Variants in GSE1 observed in about 807,000 individuals in gnomAD.
GSE1 encodes Gse1 coiled-coil protein.
A neutral mutation model predicts 112.6 loss-of-function variants in GSE1; 32 were observed. The ratio of observed to expected loss-of-function variants is 0.28; its 90% CI spans 0.21 to 0.38. The LOEUF (loss-of-function observed/expected upper bound fraction) is 0.38. GSE1 is among the 10% of genes least tolerant of loss of function. The pLI, the probability that GSE1 is intolerant of heterozygous loss-of-function variation, is 1.00. For missense variants in GSE1, 2,348 were observed against 1,699.2 expected (o/e 1.38, Z -6.71); for synonymous variants, 1,115 against 735.6 (o/e 1.52, Z -8.35).
intron 1 of GSE1, among the ~76,000 whole-genome samples, chr16:85,628,521 C>T (rs557245905): frequency 2.0e-5 from 3 of 152,212 alleles, no homozygotes; most frequent in South Asian, 2.1e-4. Flanking sequence ...TTGGAGGGAG[C>T]AGGCAGAGGG....
chr16:85,171,233 C>T, exon 1 of GSE1: 1 of 985,728 alleles, frequency 1.0e-6, no homozygotes, highest in Non-Finnish European at 1.2e-6. Flanking sequence ...TACCACCAGG[C>T]CTTCTCCGCC....
intron 2 of GSE1, among the ~76,000 whole-genome samples, chr16:85,464,416 C>T (rs966477526): frequency 6.6e-6 from 1 of 152,210 alleles, no homozygotes; most frequent in Non-Finnish European, 1.5e-5. Context: ...AAACTCTCTT[C>T]TTATTTGGGT....
intron 13 of GSE1, 32 bp downstream of exon 13, chr16:85,666,379 C>G (rs373430226): frequency 1.3e-5 from 21 of 1,611,552 alleles, no homozygotes; most frequent in Middle Eastern, 3.8e-4. Context: ...GCTCAGCTCT[C>G]GGCTGTGGTT....
chr16:85,510,407 C>CATGTGTGTGTGTCTGT (rs1555524667), intron 2 of GSE1, among the ~76,000 whole-genome samples: 5 of 149,302 alleles, frequency 3.3e-5, no homozygotes, highest in African/African-American at 1.2e-4. Flanking sequence ...CCCGAGCGTG[C>CATGTGTGTGTGTCTGT]GTGTGTGTGT....
intron 1 of GSE1, chr16:85,593,222 G>A (rs903046290): frequency 3.3e-5 from 5 of 152,216 alleles, no homozygotes; most frequent in African/African-American, 9.7e-5. Flanking sequence ...ACCAAACCTG[G>A]TCCCACGGGC....
chr16:85,669,756 G>A (rs1009122358), intron 14 of GSE1, among the ~76,000 whole-genome samples: 2 of 152,178 alleles, frequency 1.3e-5, no homozygotes, highest in East Asian at 3.9e-4. Context: ...GTTCTGCGTA[G>A]GATTCATGTG....
At position 85,251,066 on chromosome 16, in the gene GSE1, A is replaced by T. The variant is rs367949375; in HGVS notation, c.2283+79259A>T. On this transcript the variant is annotated intron_variant, in intron 1 of 2. Coordinates refer to the GSE1 transcript ENST00000637419. ...CGTCTCGTTATCTGTTCATCCGTGG[A>T]TGGATGTTTGGGCTGCTCCCACTCT... Among the ~76,000 whole-genome samples, 29 of 152,214 alleles carry T rather than the reference A, an allele frequency of 1.9e-4. No individual in the cohort carries two copies. In the South Asian group the frequency reaches 5.6e-3, roughly 29 times the overall value.
At chr16:85,605,275 C>G (rs1268319548) in intron 1 of GSE1, among the ~76,000 whole-genome samples, 1 of 151,852 alleles carries the variant, frequency 6.6e-6, no homozygotes, top group Admixed American at 6.6e-5. Flanking sequence ...GTGTGACATT[C>G]CAAGGCCTCT....
At chr16:85,374,525 C>CGT (rs995782310) in intron 2 of GSE1, among the ~76,000 whole-genome samples, 50 of 142,474 alleles carry the variant, frequency 3.5e-4, no homozygotes, top group African/African-American at 9.8e-4. Flanking sequence ...TCAGTGTGTG[C>CGT]GTGTGTGTGT....
intron 1 of GSE1, among the ~76,000 whole-genome samples, chr16:85,288,524 G>A (rs1040112188): frequency 6.6e-5 from 10 of 152,354 alleles, no homozygotes; most frequent in South Asian, 2.1e-4. Flanking sequence ...TTGAGAGCCC[G>A]CTGTGTGTGG....
At chr16:85,318,391 G>T (rs190826979) in intron 1 of GSE1, among the ~76,000 whole-genome samples, 4 of 152,256 alleles carry the variant, frequency 2.6e-5, no homozygotes, top group Admixed American at 2.6e-4. Flanking sequence ...CGCCTCCCAA[G>T]TAGCTGGGAC....
intron 2 of GSE1, among the ~76,000 whole-genome samples, chr16:85,638,519 C>G (rs1017139726): frequency 6.6e-6 from 1 of 152,222 alleles, no homozygotes; most frequent in Non-Finnish European, 1.5e-5. Context: ...CTTTGCCTCT[C>G]TGAGCTTCCA....
At chr16:85,284,241 G>A (rs1248788882) in intron 1 of GSE1, among the ~76,000 whole-genome samples, 3 of 152,256 alleles carry the variant, frequency 2.0e-5, no homozygotes, top group South Asian at 2.1e-4. Context: ...GACTCTTGGC[G>A]TGTAATCACA....
chr16:85,515,887 G>A (rs1245645459), intron 2 of GSE1, among the ~76,000 whole-genome samples: 3 of 152,158 alleles, frequency 2.0e-5, no homozygotes, highest in Non-Finnish European at 2.9e-5. Context: ...TTTCCCCACC[G>A]GCTCTGGCCA....
intron 1 of GSE1, among the ~76,000 whole-genome samples, chr16:85,264,875 G>A (rs1908076331): frequency 6.6e-6 from 1 of 152,276 alleles, no homozygotes; most frequent in African/African-American, 2.4e-5. Flanking sequence ...CAGACGCCCT[G>A]GGTCCTTACA....
chr16:85,323,029 T>G (rs765896189), intron 1 of GSE1, among the ~76,000 whole-genome samples: 3 of 151,962 alleles, frequency 2.0e-5, no homozygotes, highest in Non-Finnish European at 4.4e-5. Flanking sequence ...GCTCATGCTT[T>G]TTCCTACTTT....
In GSE1 at chr16:85,661,742, G is replaced by T; in HGVS notation, c.2237G>T (p.Arg746Met). ...LVSKLDLEER[R>M]RREAQEKGYY... ...AGCAAGCTGGACCTGGAGGAGCGCA[G>T]GCGGCGGGAGGCCCAGGAGAAAGGT... Residue 746 changes from arginine (R) to methionine (M), a missense_variant, in exon 9 of 16, where the codon AGG (arginine) becomes ATG (methionine). Arg to Met is a moderately conservative substitution (Grantham distance 91). Transcript: ENST00000253458. 6.5e-7 allele frequency: 1 copy of T among 1,544,362 alleles called. No individual in the cohort carries two copies. Among genetic ancestry groups the T allele is most frequent in the South Asian group, 1.2e-5 (1 of 83,562 alleles).
chr16:85,410,369 G>A (rs1238277443), intron 2 of GSE1, among the ~76,000 whole-genome samples: 2 of 38,626 alleles, frequency 5.2e-5, no homozygotes, highest in Admixed American at 2.3e-4. Context: ...AGGGCCCCCC[G>A]GATAATCCTC....
At chr16:85,655,692 A>G (rs769427829) in intron 5 of GSE1, 34 bp from the exon 6 acceptor site, 7 of 1,486,196 alleles carry the variant, frequency 4.7e-6, no homozygotes, top group Non-Finnish European at 6.4e-6. Context: ...CCCTTGGTTC[A>G]TTTGCTGCTC....
Sources: allele counts gnomAD v4.1 joint callset (sites outside exome capture counted in the v4.1 genomes callset), GRCh38; gene constraint gnomAD v4.1.1; transcripts MANE v1.5; gene names NCBI Gene and HGNC (gene_info 2026-07-23, HGNC 2026-07-21).